The following DLG2 variants were observed in gnomAD, a reference collection of about 807,000 sequenced individuals.
DLG2 encodes the protein disks large homolog 2.
In DLG2, 45 loss-of-function variants were observed where a neutral mutation model predicts 132.5. That is an observed-to-expected ratio of 0.34 (90% CI 0.27 to 0.44). The LOEUF (loss-of-function observed/expected upper bound fraction) is 0.44, where lower values mean the gene tolerates loss of function less well. DLG2 is among the 20% of genes least tolerant of loss of function. The pLI, the probability that DLG2 is intolerant of heterozygous loss-of-function variation, is 1.00. For missense variants in DLG2, 1,045 were observed against 1,196.9 expected (o/e 0.87, Z 1.87); for synonymous variants, 424 against 419.6 (o/e 1.01, Z -0.13).
intron 6 of DLG2, among the ~76,000 whole-genome samples, chr11:85,070,291 T>G (rs1046071991): frequency 5.5e-5 from 8 of 144,318 alleles, no homozygotes; most frequent in Non-Finnish European, 9.0e-5. Flanking sequence ...ACCCTAGAAC[T>G]TAAAGTATAA....
At chr11:84,269,309 C>T (rs2154362965) in intron 7 of DLG2, among the ~76,000 whole-genome samples, 1 of 152,320 alleles carries the variant, frequency 6.6e-6, no homozygotes, top group East Asian at 1.9e-4. Context: ...ATTTAATAAG[C>T]ATTCATTGAA....
intron 6 of DLG2, among the ~76,000 whole-genome samples, chr11:84,642,152 AAGAC>A (rs140490772): frequency 0.083 from 12,102 of 145,536 alleles, 651 homozygotes; most frequent in Admixed American, 0.14. Context: ...GTATTAAAAA[AAGAC>A]AGGTTGATTT....
At chr11:84,423,471 A>C (rs1037049830) in intron 7 of DLG2, among the ~76,000 whole-genome samples, 1 of 152,156 alleles carries the variant, frequency 6.6e-6, no homozygotes, top group Non-Finnish European at 1.5e-5. Context: ...AAGATGGACT[A>C]CTTCACAGAC....
At chr11:84,582,457 G>A (rs866082203) in intron 6 of DLG2, among the ~76,000 whole-genome samples, 154 of 147,760 alleles carry the variant, frequency 1.0e-3, no homozygotes, top group Middle Eastern at 3.6e-3. Context: ...ATGTATATGC[G>A]TATATATACA....
intron 19 of DLG2, among the ~76,000 whole-genome samples, chr11:83,556,809 T>C (rs577408546): frequency 1.4e-4 from 22 of 152,314 alleles, no homozygotes; most frequent in African/African-American, 5.3e-4. Flanking sequence ...ACATTAATTA[T>C]TGCTACAAAA....
intron 7 of DLG2, among the ~76,000 whole-genome samples, chr11:84,328,719 A>C (rs1349332756): frequency 6.6e-6 from 1 of 152,186 alleles, no homozygotes; most frequent in Admixed American, 6.5e-5. Context: ...AATTGGCCTA[A>C]AGGCAGGGTA....
intron 4 of DLG2, among the ~76,000 whole-genome samples, chr11:85,179,158 C>A (rs1217287190): frequency 6.6e-6 from 1 of 151,664 alleles, no homozygotes; most frequent in African/African-American, 2.4e-5. Context: ...AGCAGAGAAA[C>A]CAAAAGTAAT....
At chr11:83,956,005 C>A (rs114296811) in intron 14 of DLG2, among the ~76,000 whole-genome samples, 3,655 of 152,088 alleles carry the variant, frequency 0.024, 148 homozygotes, top group African/African-American at 0.084. Context: ...GTGAGTCAGT[C>A]CTCCTTAATA....
intron 18 of DLG2, among the ~76,000 whole-genome samples, chr11:83,727,231 G>C (rs1791080879): frequency 6.6e-6 from 1 of 152,184 alleles, no homozygotes; most frequent in South Asian, 2.1e-4. Flanking sequence ...AGATTGCCTA[G>C]GGACAGATTT....
intron 3 of DLG2, among the ~76,000 whole-genome samples, chr11:85,349,152 C>A (rs188929515): frequency 5.3e-5 from 8 of 152,174 alleles, no homozygotes; most frequent in Admixed American, 2.6e-4. Context: ...AAAACAGAGA[C>A]CTTAACTCTA....
At chr11:84,547,759 A>G (rs1198701047) in intron 6 of DLG2, among the ~76,000 whole-genome samples, 1 of 152,122 alleles carries the variant, frequency 6.6e-6, no homozygotes, top group South Asian at 2.1e-4. Context: ...TCTCACTGGA[A>G]TGGGAAGAGT....
intron 7 of DLG2, among the ~76,000 whole-genome samples, chr11:84,254,885 GAACA>G (rs2097441452): frequency 6.6e-6 from 1 of 152,112 alleles, no homozygotes; most frequent in African/African-American, 2.4e-5. Flanking sequence ...AAAAATGCAT[GAACA>G]AACAAGATTG....
chr11:83,893,954 C>T (rs1194465008), intron 15 of DLG2, among the ~76,000 whole-genome samples: 1 of 152,208 alleles, frequency 6.6e-6, no homozygotes, highest in African/African-American at 2.4e-5. Context: ...ACATTTTATA[C>T]TAAATATACC....
At chr11:84,121,945 A>C (rs1181335735) in intron 9 of DLG2, among the ~76,000 whole-genome samples, 1 of 152,076 alleles carries the variant, frequency 6.6e-6, no homozygotes, top group Non-Finnish European at 1.5e-5. Flanking sequence ...ATAGAGTAGG[A>C]CTTATCAGCC....
intron 6 of DLG2, among the ~76,000 whole-genome samples, chr11:84,779,629 T>C (rs1265689448): frequency 3.3e-5 from 5 of 152,098 alleles, no homozygotes; most frequent in Non-Finnish European, 5.9e-5. Flanking sequence ...ACTGATAAAC[T>C]TCTAGCTAGA....
intron 2 of DLG2, among the ~76,000 whole-genome samples, chr11:85,616,824 C>A (rs979856094): frequency 6.6e-6 from 1 of 152,202 alleles, no homozygotes; most frequent in South Asian, 2.1e-4. Flanking sequence ...GGCATTGTAA[C>A]GCATCTAGGC....
In DLG2 at chr11:84,359,887, C is replaced by T. The variant is rs554591974; in HGVS notation, c.520-108596G>A. ...TCTAAATCTTGGCAATTCAGTTCAT[C>T]GAACTCTGATAATTTACATTTTACA... is the stretch of plus-strand genomic sequence containing the variant. On this transcript the variant is annotated intron_variant, in intron 7 of 27. Transcript: ENST00000376104. 5.9e-4 allele frequency among the ~76,000 whole-genome samples: 89 copies of T among 151,982 alleles called. 1 individual carries two copies. The highest frequency in any genetic ancestry group is 3.4e-3 in the Middle Eastern group (1 of 294).
rs554671989 is a variant in DLG2, at chr11:83,510,837, T to G, written c.2193+21871A>C. On this transcript the variant is annotated intron_variant, in intron 21 of 27. Coordinates refer to ENST00000376104, the MANE Select transcript of DLG2 (RefSeq NM_001142699.3). ...AAAGTTTCTGAACCATCCGTTTTTT[T>G]TTTTTTTTTTTTTTGGAAGGGAAAA... Among the ~76,000 whole-genome samples, 23 of 145,238 alleles carry G rather than the reference T, an allele frequency of 1.6e-4. No homozygotes were observed. The South Asian group carries it at 5.1e-3, about 32-fold the overall frequency.
chr11:84,234,307 T>C (rs1247719673), intron 8 of DLG2, among the ~76,000 whole-genome samples: 1 of 152,202 alleles, frequency 6.6e-6, no homozygotes, highest in Non-Finnish European at 1.5e-5. Context: ...AGCTTTTTAA[T>C]AAACTTTCAC....
Sources: gnomAD v4.1 joint callset for allele counts (sites outside exome capture counted in the v4.1 genomes callset) on GRCh38, gnomAD v4.1.1 for gene constraint, MANE v1.5 for transcripts, NCBI Gene and HGNC (gene_info 2026-07-23, HGNC 2026-07-21) for gene names.